The following FHIT variants were observed in gnomAD, a reference collection of about 807,000 sequenced individuals.
The protein encoded by FHIT is fragile histidine triad diadenosine triphosphatase.
In FHIT, 19 loss-of-function variants were observed where a neutral mutation model predicts 17.9. The observed-to-expected ratio is 1.06, with a 90% confidence interval of 0.74 to 1.56. The LOEUF (loss-of-function observed/expected upper bound fraction) is 1.56, where lower values mean the gene tolerates loss of function less well. Among genes scored for constraint, FHIT ranks in the 40% most tolerant of loss-of-function variants. The probability of loss-of-function intolerance (pLI) is 0.00; values close to 1 mark genes in which losing one functional copy is unlikely to be tolerated. For missense variants in FHIT, 248 were observed against 189.2 expected (o/e 1.31, Z -1.82); for synonymous variants, 81 against 69.7 (o/e 1.16, Z -0.81).
rs541472620 is a variant in FHIT at position 60,407,600 on chromosome 3, C to T, written c.103+129260G>A. ...CATGATCTCAGCTCACTGCAACCCC[C>T]GCCTCCACAGTTCAAGCGATCCTCC... On this transcript the variant is annotated intron_variant, in intron 5 of 9. Transcript: ENST00000492590. 1.4e-4 allele frequency among the ~76,000 whole-genome samples: 22 copies of T among 152,208 alleles called. No individual in the cohort carries two copies. In the Middle Eastern group the frequency reaches 0.01, roughly 71 times the overall value.
intron 5 of FHIT, among the ~76,000 whole-genome samples, chr3:60,360,065 G>C (rs921231096): frequency 6.7e-6 from 1 of 149,330 alleles, no homozygotes; most frequent in African/African-American, 2.5e-5. Context: ...CAAATGTGCA[G>C]GTTTGAAAGT....
chr3:61,109,859 C>T (rs1324884834), intron 2 of FHIT, among the ~76,000 whole-genome samples: 1 of 152,148 alleles, frequency 6.6e-6, no homozygotes. Context: ...GAGTCCACCA[C>T]CAAATCCTTT....
chr3:60,125,506 C>T (rs976850370), intron 5 of FHIT, among the ~76,000 whole-genome samples: 16 of 151,916 alleles, frequency 1.1e-4, no homozygotes, highest in Admixed American at 5.9e-4. Context: ...GTGGTGCATG[C>T]CTGTAATCCC....
intron 5 of FHIT, among the ~76,000 whole-genome samples, chr3:60,063,150 G>C (rs1239648162): frequency 3.3e-5 from 5 of 152,156 alleles, no homozygotes; most frequent in African/African-American, 1.2e-4. Flanking sequence ...AATTCACAGA[G>C]AAGGTGGAGA....
intron 5 of FHIT, among the ~76,000 whole-genome samples, chr3:60,029,256 T>C (rs9869016): frequency 0.13 from 19,870 of 152,106 alleles, 2,084 homozygotes; most frequent in African/African-American, 0.29. Flanking sequence ...TAAGTGGACA[T>C]TGCATGGTTT....
chr3:59,918,806 C>T (rs1283143834), intron 8 of FHIT, among the ~76,000 whole-genome samples: 4 of 152,092 alleles, frequency 2.6e-5, no homozygotes, highest in African/African-American at 9.7e-5. Flanking sequence ...CATTCAAACT[C>T]ATTAAAAAAT....
chr3:60,436,519 T>C (rs1400652868), intron 5 of FHIT, among the ~76,000 whole-genome samples: 1 of 152,092 alleles, frequency 6.6e-6, no homozygotes, highest in East Asian at 1.9e-4. Context: ...TCTAGGCTTT[T>C]ATATGTCCTA....
chr3:60,927,973 T>G (rs562705228), intron 3 of FHIT, among the ~76,000 whole-genome samples: 2 of 152,376 alleles, frequency 1.3e-5, no homozygotes, highest in South Asian at 4.1e-4. Context: ...AGAAAAATTC[T>G]TCTGCCTTGG....
chr3:60,977,851 A>G (rs1327721377), intron 3 of FHIT, among the ~76,000 whole-genome samples: 1 of 152,204 alleles, frequency 6.6e-6, no homozygotes, highest in Non-Finnish European at 1.5e-5. Context: ...AGCCTGGACA[A>G]CGAGAGCGAA....
intron 4 of FHIT, among the ~76,000 whole-genome samples, chr3:60,680,658 A>G (rs1462954309): frequency 6.6e-6 from 1 of 151,954 alleles, no homozygotes; most frequent in Non-Finnish European, 1.5e-5. Flanking sequence ...GAAAATCATC[A>G]AGATATTTTC....
At chr3:60,657,635 C>T (rs1354505275) in intron 4 of FHIT, among the ~76,000 whole-genome samples, 2 of 152,160 alleles carry the variant, frequency 1.3e-5, no homozygotes, top group Non-Finnish European at 2.9e-5. Context: ...GTTAATCAGG[C>T]TCCTCTGATT....
intron 5 of FHIT, among the ~76,000 whole-genome samples, chr3:60,083,842 CTT>C (rs1462276568): frequency 2.6e-5 from 4 of 152,218 alleles, no homozygotes; most frequent in Non-Finnish European, 5.9e-5. Context: ...CCTGCAGGCT[CTT>C]GTTTGCCAAC....
intron 5 of FHIT, among the ~76,000 whole-genome samples, chr3:60,319,717 C>T (rs548016950): frequency 6.6e-6 from 1 of 152,236 alleles, no homozygotes; most frequent in East Asian, 1.9e-4. Flanking sequence ...AAGTGATCAC[C>T]GTGGAAGCTT....
At position 60,807,836 on chromosome 3, in the gene FHIT, T is replaced by G. The variant is rs543720806; in HGVS notation, c.-18+14083A>C. 3.0e-5 allele frequency among the ~76,000 whole-genome samples: 4 copies of G among 132,796 alleles called. No homozygotes were observed. In the East Asian group the frequency reaches 7.8e-4, roughly 26 times the overall value. The allele number at this position is 132,796 out of a possible 152,430, so 87.1% of individuals were successfully genotyped here. A position where few individuals can be genotyped will look rare whatever the true frequency, so the allele number is the denominator to read the frequency against. Reference sequence around the variant, plus strand: ...CAAATGAAACAACTACAGCAAATTTTACTAAAAAAAAAATAAAATAAAAAA... The same window carrying G: ...CAAATGAAACAACTACAGCAAATTTGACTAAAAAAAAAATAAAATAAAAAA... On this transcript the variant is annotated intron_variant, in intron 4 of 9. Transcript: ENST00000492590.
intron 3 of FHIT, among the ~76,000 whole-genome samples, chr3:61,009,758 G>A (rs2031682863): frequency 6.6e-6 from 1 of 152,048 alleles, no homozygotes; most frequent in Non-Finnish European, 1.5e-5. Context: ...TACATATCCT[G>A]TCTGATGGAA....
At chr3:60,633,198 G>T (rs2039491919) in intron 4 of FHIT, among the ~76,000 whole-genome samples, 13 of 152,154 alleles carry the variant, frequency 8.5e-5, no homozygotes, top group Admixed American at 8.5e-4. Flanking sequence ...TTAATCTAGG[G>T]AGGCAATAGT....
At chr3:61,238,326 G>A (rs1228052207) in intron 1 of FHIT, among the ~76,000 whole-genome samples, 1 of 152,110 alleles carries the variant, frequency 6.6e-6, no homozygotes, top group Non-Finnish European at 1.5e-5. Flanking sequence ...AACAGAAGAT[G>A]GCCCAGAAGT....
intron 8 of FHIT, among the ~76,000 whole-genome samples, chr3:59,755,859 G>A (rs1701190111): frequency 1.3e-5 from 2 of 152,176 alleles, no homozygotes; most frequent in South Asian, 4.1e-4. Flanking sequence ...TGGAGGGAAA[G>A]AGGTTATCTA....
chr3:60,055,243 C>T (rs544941335), intron 5 of FHIT, among the ~76,000 whole-genome samples: 2 of 152,208 alleles, frequency 1.3e-5, no homozygotes, highest in Non-Finnish European at 2.9e-5. Flanking sequence ...ATTTCATTGT[C>T]AACTCCAGCT....
Sources: allele counts gnomAD v4.1 joint callset (sites outside exome capture counted in the v4.1 genomes callset), GRCh38; gene constraint gnomAD v4.1.1; transcripts MANE v1.5; gene names NCBI Gene and HGNC (gene_info 2026-07-23, HGNC 2026-07-21).